KLHDC2: variants seen among roughly 807,000 people sequenced by gnomAD.
KLHDC2 encodes kelch domain-containing protein 2.
KLHDC2 carries 38 observed loss-of-function variants against 62.3 expected under a neutral mutation model. The ratio of observed to expected loss-of-function variants is 0.61; its 90% CI spans 0.47 to 0.80. The LOEUF is 0.80. KLHDC2 is among the 30% of genes least tolerant of loss of function. KLHDC2 has a pLI of 0.00. For missense variants in KLHDC2, 430 were observed against 495.3 expected (o/e 0.87, Z 1.25); for synonymous variants, 159 against 161.0 (o/e 0.99, Z 0.09).
Position 49,778,483 on chromosome 14 carries a change from C to G in KLHDC2, c.622C>G (p.Pro208Ala). The change falls in exon 6 of 13, where the codon CCT becomes GCT. Residue 208 changes from proline to alanine, a missense_variant. By Grantham distance (27) the Pro-to-Ala change is conservative. Transcript: ENST00000298307. ...TACTGAAACATTTACCTGGAGCCAG[C>G]CTATAACTACTGTGAGTTACTAAAG... ...LDTETFTWSQ[P>A]ITTGKAPSPR... 1 of 1,506,576 alleles carries G rather than the reference C, an allele frequency of 6.6e-7. No individual in the cohort carries two copies. The highest frequency in any genetic ancestry group is 9.1e-7 in the Non-Finnish European group (1 of 1,098,306). The allele number at this position is 1,506,576 out of a possible 1,614,324, so 93.3% of individuals were successfully genotyped here.
At chr14:49,772,237 T>C (rs1050182549) in intron 2 of KLHDC2, among the ~76,000 whole-genome samples, 1 of 152,202 alleles carries the variant, frequency 6.6e-6, no homozygotes, top group Non-Finnish European at 1.5e-5. Context: ...TCCATTTTTT[T>C]CAAGATGTTA....
In KLHDC2 at chr14:49,782,855, T is replaced by A. The variant is rs1284644547; in HGVS notation, c.1123T>A (p.Phe375Ile). The A allele has an allele frequency of 6.2e-7, 1 of 1,613,912 alleles. No homozygotes were observed. The highest frequency in any genetic ancestry group is 8.5e-7 in the Non-Finnish European group (1 of 1,179,860). Residue 375 changes from phenylalanine (F) to isoleucine (I), a missense_variant, in exon 13 of 13, where the codon TTT (phenylalanine) becomes ATT (isoleucine). Transcript: ENST00000298307. ...VRLSLEAVIC[F>I]KEMLANSWNC... ...GCTAAGCTTAGAAGCAGTCATTTGC[T>A]TTAAAGAAATGTTAGCCAACTCATG...
intron 2 of KLHDC2, among the ~76,000 whole-genome samples, chr14:49,773,930 G>T (rs1305913728): frequency 1.3e-5 from 2 of 152,182 alleles, no homozygotes; most frequent in Non-Finnish European, 2.9e-5. Context: ...GTTTAGCAAA[G>T]ATAAATATTA....
chr14:49,778,637 C>T (rs1889821822), intron 6 of KLHDC2, 143 bp downstream of exon 6: 1 of 571,676 alleles, frequency 1.7e-6, no homozygotes. Flanking sequence ...AGATCCATAA[C>T]TTTAATGATT....
intron 3 of KLHDC2, among the ~76,000 whole-genome samples, chr14:49,775,210 C>G: frequency 6.6e-6 from 1 of 152,140 alleles, no homozygotes; most frequent in Non-Finnish European, 1.5e-5. Flanking sequence ...CAGATTAAGT[C>G]AATCAGAAAT....
At position 49,785,173 on chromosome 14, in the gene KLHDC2, T is replaced by A. The variant is rs758421478; in HGVS notation, c.*2220T>A. 3 of 1,602,010 alleles carry A rather than the reference T, an allele frequency of 1.9e-6. No individual in the cohort carries two copies. The highest frequency in any genetic ancestry group is 3.3e-5 in the Admixed American group (2 of 59,992). On this transcript the variant is annotated 3_prime_UTR_variant, in exon 13 of 13. Transcript: ENST00000298307. ...ATTACATGTGTTACTAAATAGACGT[T>A]ACAAAACAATTCACAAAAGCCATTC...
chr14:49,777,915 C>T lies in KLHDC2; in HGVS notation c.428C>T (p.Ser143Leu). 5 of 1,611,990 alleles carry T rather than the reference C, an allele frequency of 3.1e-6. No homozygotes were observed. Among genetic ancestry groups the T allele is most frequent in the Non-Finnish European group, 4.2e-6 (5 of 1,178,482 alleles). The change falls in exon 4 of 13, where the codon TCA (serine) becomes TTA (leucine). Residue 143 changes from serine to leucine, a missense_variant. Coordinates refer to ENST00000298307, the MANE Select transcript of KLHDC2 (RefSeq NM_014315.3). ...ERIDCQGIPP[S>L]SKDKLGVWVY... ...ATTGATTGCCAAGGAATTCCTCCAT[C>T]ATCAAAGGACAAACTTGGTGTCTGG...
In KLHDC2 at chr14:49,782,435, A is replaced by G; in HGVS notation, c.1022A>G (p.Asn341Ser). The G allele has an allele frequency of 6.2e-7, 1 of 1,612,218 alleles. No individual in the cohort carries two copies. Among genetic ancestry groups the G allele is most frequent in the Non-Finnish European group, 8.5e-7 (1 of 1,178,426 alleles). Reference sequence around the variant, plus strand: ...ATTGTTTTTGGTGGATGTGCCAACAACTTGCTTGTCCATCACAGAGCTGTA... The same window carrying G: ...ATTGTTTTTGGTGGATGTGCCAACAGCTTGCTTGTCCATCACAGAGCTGTA... ...EVIVFGGCAN[N>S]LLVHHRAAHS... The change falls in exon 11 of 13, where the codon AAC becomes AGC. Residue 341 changes from asparagine (N) to serine (S), a missense_variant. By Grantham distance (46) the Asn-to-Ser change is conservative. Coordinates refer to ENST00000298307, the MANE Select transcript of KLHDC2 (RefSeq NM_014315.3).
chr14:49,785,360 C>T lies in KLHDC2; in HGVS notation c.*2407C>T, dbSNP rs578083159. 18 of 1,389,694 alleles carry T rather than the reference C, an allele frequency of 1.3e-5. No homozygotes were observed. The highest frequency in any genetic ancestry group is 9.1e-5 in the East Asian group (4 of 43,722). The allele number at this position is 1,389,694 out of a possible 1,614,324, so 86.1% of individuals were successfully genotyped here. On this transcript the variant is annotated 3_prime_UTR_variant, in exon 13 of 13. Coordinates refer to ENST00000298307, the MANE Select transcript of KLHDC2 (RefSeq NM_014315.3). ...TAACAGTTACAAAGGCAATTTATACCGCCCTTTACAAAAAATGCTAAAACA... is the reference window on the plus strand; with the variant it reads ...TAACAGTTACAAAGGCAATTTATACTGCCCTTTACAAAAAATGCTAAAACA...
At chr14:49,782,742 A>C in intron 12 of KLHDC2, 88 bp from the exon 13 acceptor site, 1 of 1,476,264 alleles carries the variant, frequency 6.8e-7, no homozygotes, top group Non-Finnish European at 9.2e-7. Flanking sequence ...TGAAGAAAGA[A>C]AGAGGGATGT....
chr14:49,777,854 T>C lies in KLHDC2; in HGVS notation c.367T>C (p.Ser123Pro), dbSNP rs1208898238. The change falls in exon 4 of 13, where the codon TCA becomes CCA. Residue 123 changes from serine to proline, a missense_variant. Coordinates refer to ENST00000298307, the MANE Select transcript of KLHDC2 (RefSeq NM_014315.3). ...GNTNKFYMLD[S>P]RSTDRVLQWE... ...CTTCTGACAGTTCTACATGCTGGAT[T>C]CAAGGTCTACAGACAGAGTGTTACA... 3 of 1,585,080 alleles carry C rather than the reference T, an allele frequency of 1.9e-6. No individual in the cohort carries two copies. In the Admixed American group the frequency reaches 5.5e-5, roughly 29 times the overall value.
At position 49,774,564 on chromosome 14, in the gene KLHDC2, A is replaced by G; in HGVS notation, c.237A>G (p.Lys79=). 6.2e-7 allele frequency: 1 copy of G among 1,606,884 alleles called. No homozygotes were observed. The highest frequency in any genetic ancestry group is 8.5e-7 in the Non-Finnish European group (1 of 1,173,410). ...CATTTAATTTATTCCCCCTCAGGAA[A>G]AAAATCAACACTGAAGGTGATGTTC... The part of the protein sequence containing the change: ...WIYNMETGRW[K]KINTEGDVPP... Residue 79 remains lysine, a synonymous_variant, in exon 3 of 13, where the codon AAA becomes AAG. Transcript: ENST00000298307.
Position 49,782,459 on chromosome 14 carries a change from T to TA in KLHDC2, c.1044+4dup. ...AACTTGCTTGTCCATCACAGAGCTG[T>TA]AAGTATACTACCTTCACATTATTAC... is the stretch of plus-strand genomic sequence containing the variant. On this transcript the variant is annotated splice_region_variant and intron_variant, in intron 11 of 12. Coordinates refer to ENST00000298307, the MANE Select transcript of KLHDC2 (RefSeq NM_014315.3). 6.2e-7 allele frequency: 1 copy of TA among 1,608,408 alleles called. No homozygotes were observed. Among genetic ancestry groups the TA allele is most frequent in the Non-Finnish European group, 8.5e-7 (1 of 1,175,292 alleles).
intron 3 of KLHDC2, among the ~76,000 whole-genome samples, chr14:49,777,365 C>G (rs758020143): frequency 6.6e-6 from 1 of 151,946 alleles, no homozygotes; most frequent in Non-Finnish European, 1.5e-5. Flanking sequence ...ATCCATGTAA[C>G]CAAACACCAC....
At chr14:49,778,559 G>T in intron 6 of KLHDC2, 65 bp downstream of exon 6, 2 of 648,716 alleles carry the variant, frequency 3.1e-6, no homozygotes, top group East Asian at 5.7e-5. Flanking sequence ...GGTGGGGTAG[G>T]GGAGAGGGGT....
At chr14:49,772,714 T>C (rs1190050579) in intron 2 of KLHDC2, among the ~76,000 whole-genome samples, 1 of 152,242 alleles carries the variant, frequency 6.6e-6, no homozygotes, top group Non-Finnish European at 1.5e-5. Flanking sequence ...CCCAGCACTT[T>C]GGGAGGCCGA....
At chr14:49,778,040 G>A in intron 4 of KLHDC2, 86 bp downstream of exon 4, 1 of 954,562 alleles carries the variant, frequency 1.0e-6, no homozygotes, top group Non-Finnish European at 1.6e-6. Context: ...CATTTGCACA[G>A]AACATACCTC....
At chr14:49,775,712 C>T (rs1282896593) in intron 3 of KLHDC2, among the ~76,000 whole-genome samples, 3 of 150,900 alleles carry the variant, frequency 2.0e-5, no homozygotes, top group Non-Finnish European at 4.4e-5. Flanking sequence ...CTGCAATCTC[C>T]GCCTCCCAGG....
intron 10 of KLHDC2, 150 bp downstream of exon 10, chr14:49,780,925 T>TA (rs1379664491): frequency 1.3e-5 from 8 of 615,042 alleles, no homozygotes; most frequent in African/African-American, 9.2e-5. Context: ...AATGTTATCC[T>TA]AGTATCGAAT....
Sources: gnomAD v4.1 joint callset for allele counts (sites outside exome capture counted in the v4.1 genomes callset) on GRCh38, gnomAD v4.1.1 for gene constraint, MANE v1.5 for transcripts, NCBI Gene and HGNC (gene_info 2026-07-23, HGNC 2026-07-21) for gene names.